The following STXBP5L variants were observed in gnomAD, a reference collection of about 807,000 sequenced individuals.
STXBP5L encodes the protein syntaxin-binding protein 5-like.
In STXBP5L, 65 loss-of-function variants were observed where a neutral mutation model predicts 144.5. That is an observed-to-expected ratio of 0.45 (90% CI 0.37 to 0.55). STXBP5L has a LOEUF of 0.55. Ranked by LOEUF, STXBP5L falls within the 20% of genes least tolerant of loss-of-function variation. The pLI is 0.00. For missense variants in STXBP5L, 1,298 were observed against 1,405.5 expected (o/e 0.92, Z 1.22); for synonymous variants, 505 against 469.6 (o/e 1.08, Z -0.97).
At chr3:121,010,299 A>ATCT (rs897391364) in intron 3 of STXBP5L, among the ~76,000 whole-genome samples, 1 of 151,830 alleles carries the variant, frequency 6.6e-6, no homozygotes, top group African/African-American at 2.4e-5. Flanking sequence ...GCACTGCAGC[A>ATCT]TCTTCTTCAA....
At chr3:121,412,117 G>A (rs886452716) in intron 23 of STXBP5L, among the ~76,000 whole-genome samples, 5 of 152,120 alleles carry the variant, frequency 3.3e-5, no homozygotes, top group African/African-American at 4.8e-5. Flanking sequence ...GTCAGCATAA[G>A]GATGCTGACC....
chr3:121,052,239 G>A (rs943403283), intron 5 of STXBP5L, among the ~76,000 whole-genome samples: 22 of 152,084 alleles, frequency 1.4e-4, no homozygotes, highest in Admixed American at 3.9e-4. Context: ...TATGAGGCCC[G>A]CATCATCCTG....
intron 2 of STXBP5L, among the ~76,000 whole-genome samples, chr3:120,928,069 A>T (rs948408666): frequency 1.3e-5 from 2 of 152,164 alleles, no homozygotes; most frequent in Admixed American, 1.3e-4. Flanking sequence ...GGAGGGAAGT[A>T]TGTGAGGTAA....
chr3:120,938,277 T>A (rs1162781043), intron 2 of STXBP5L, among the ~76,000 whole-genome samples: 1 of 152,174 alleles, frequency 6.6e-6, no homozygotes, highest in Non-Finnish European at 1.5e-5. Flanking sequence ...TTTTTATATA[T>A]GGTTAAGTGG....
At chr3:121,128,017 A>G (rs2044791791) in intron 7 of STXBP5L, among the ~76,000 whole-genome samples, 1 of 152,136 alleles carries the variant, frequency 6.6e-6, no homozygotes, top group African/African-American at 2.4e-5. Context: ...AGCCTAACAC[A>G]GAAGCATAAA....
chr3:121,285,371 T>C (rs1373413045), intron 19 of STXBP5L, among the ~76,000 whole-genome samples: 1 of 152,128 alleles, frequency 6.6e-6, no homozygotes, highest in Non-Finnish European at 1.5e-5. Context: ...GGCTTTTCAC[T>C]GTATAATCTT....
At chr3:121,350,783 G>A (rs2045247056) in intron 20 of STXBP5L, among the ~76,000 whole-genome samples, 1 of 152,044 alleles carries the variant, frequency 6.6e-6, no homozygotes, top group African/African-American at 2.4e-5. Context: ...TCATCACGTT[G>A]TTCTCATGCC....
intron 18 of STXBP5L, among the ~76,000 whole-genome samples, chr3:121,274,936 G>C (rs1214772851): frequency 6.6e-6 from 1 of 152,140 alleles, no homozygotes; most frequent in Non-Finnish European, 1.5e-5. Context: ...TAAAAGCCCT[G>C]ACTTATAACC....
intron 7 of STXBP5L, among the ~76,000 whole-genome samples, chr3:121,129,849 G>A (rs2044890666): frequency 2.0e-5 from 3 of 151,952 alleles, no homozygotes; most frequent in Admixed American, 2.0e-4. Flanking sequence ...AGGATGGGAA[G>A]AAAATACCAC....
chr3:121,317,457 A>C (rs1577444424), intron 19 of STXBP5L, among the ~76,000 whole-genome samples: 2 of 152,070 alleles, frequency 1.3e-5, no homozygotes, highest in African/African-American at 4.8e-5. Flanking sequence ...AAATTCTGTG[A>C]TTTTTTTTGG....
At chr3:121,141,616 T>G (rs2045509235) in intron 7 of STXBP5L, among the ~76,000 whole-genome samples, 1 of 152,140 alleles carries the variant, frequency 6.6e-6, no homozygotes, top group African/African-American at 2.4e-5. Flanking sequence ...ATGAAAATTG[T>G]GACAACAATA....
chr3:121,318,844 G>T (rs1177255085), intron 20 of STXBP5L, among the ~76,000 whole-genome samples: 2 of 152,092 alleles, frequency 1.3e-5, no homozygotes, highest in Admixed American at 1.3e-4. Context: ...ATAAAAATTG[G>T]TGATATAGAG....
chr3:121,139,701 C>A (rs2045412913), intron 7 of STXBP5L, among the ~76,000 whole-genome samples: 1 of 152,030 alleles, frequency 6.6e-6, no homozygotes, highest in South Asian at 2.1e-4. Flanking sequence ...GAAAATGGTA[C>A]ATATTCTATT....
At position 121,006,815 on chromosome 3, in the gene STXBP5L, G is replaced by T. The variant is rs1013672181; in HGVS notation, c.288-34885G>T. ...TATTTCACCTTCACTTATAGGCTTA[G>T]TTTGGCTGTATATGAAATTCTGGGT... is the stretch of plus-strand genomic sequence containing the variant. On this transcript the variant is annotated intron_variant, in intron 3 of 26. Transcript: ENST00000471454. 3.9e-5 allele frequency among the ~76,000 whole-genome samples: 6 copies of T among 152,240 alleles called. No individual in the cohort carries two copies. The East Asian group carries it at 5.8e-4, about 15-fold the overall frequency.
intron 20 of STXBP5L, among the ~76,000 whole-genome samples, chr3:121,350,167 G>A (rs1039077487): frequency 1.3e-5 from 2 of 152,020 alleles, no homozygotes; most frequent in East Asian, 1.9e-4. Flanking sequence ...GTGACAAAAT[G>A]TCTCAGCATT....
intron 9 of STXBP5L, 34 bp downstream of exon 9, chr3:121,157,661 G>T: frequency 3.2e-6 from 5 of 1,575,126 alleles, no homozygotes; most frequent in Non-Finnish European, 3.4e-6. Context: ...AATAAACACT[G>T]GCAATTCAGT....
At position 121,347,931 on chromosome 3, in the gene STXBP5L, G is replaced by T. The variant is rs201082061; in HGVS notation, c.2176+29391G>T. ...GGGACAATTTGACTTCCTCTTTTCC[G>T]AATTGAATACCCTTTATTTCCTTCT... On this transcript the variant is annotated intron_variant, in intron 20 of 26. Transcript: ENST00000471454. Among the ~76,000 whole-genome samples the T allele has an allele frequency of 2.8e-3, 425 of 152,126 alleles. 4 individuals are homozygous for T. The highest frequency in any genetic ancestry group is 9.1e-3 in the African/African-American group (379 of 41,524).
intron 9 of STXBP5L, among the ~76,000 whole-genome samples, chr3:121,195,548 C>T (rs2047889172): frequency 2.0e-5 from 3 of 152,292 alleles, no homozygotes; most frequent in South Asian, 2.1e-4. Context: ...AATTGCTTCA[C>T]TTAGCATAAT....
In STXBP5L at chr3:121,020,833, C is replaced by T. The variant is rs749222673; in HGVS notation, c.288-20867C>T. Among the ~76,000 whole-genome samples, 3 of 140,356 alleles carry T rather than the reference C, an allele frequency of 2.1e-5. No individual in the cohort carries two copies. The Admixed American group carries it at 2.3e-4, about 11-fold the overall frequency. The allele number at this position is 140,356 out of a possible 152,430, so 92.1% of individuals were successfully genotyped here. On this transcript the variant is annotated intron_variant, in intron 3 of 26. Coordinates refer to ENST00000471454, the MANE Select transcript of STXBP5L (RefSeq NM_001308330.2). ...ACTTAAAGCATAAAACTCACAGTAC[C>T]TATAAAACAATACAATGAAAAAAAA...
Sources: gnomAD v4.1 joint callset for allele counts (sites outside exome capture counted in the v4.1 genomes callset) on GRCh38, gnomAD v4.1.1 for gene constraint, MANE v1.5 for transcripts, NCBI Gene and HGNC (gene_info 2026-07-23, HGNC 2026-07-21) for gene names.